The following NEK9 variants were observed in gnomAD, a reference collection of about 807,000 sequenced individuals.
The protein encoded by NEK9 is NIMA related kinase 9.
NEK9 carries 75 observed loss-of-function variants against 123.4 expected under a neutral mutation model. That is an observed-to-expected ratio of 0.61 (90% CI 0.50 to 0.74). The LOEUF is 0.74. Among genes scored for constraint, NEK9 ranks in the 30% least tolerant of loss-of-function variants. The probability of loss-of-function intolerance (pLI) is 0.00; values close to 1 mark genes in which losing one functional copy is unlikely to be tolerated. For synonymous variants in NEK9, 438 were observed against 458.7 expected, an observed-to-expected ratio of 0.95 and a Z score of 0.58; for missense variants, 952 against 1,214.4, an observed-to-expected ratio of 0.78 and a Z score of 3.21.
chr14:75,110,317 T>C lies in NEK9; in HGVS notation c.989+4A>G. 1 of 1,610,266 alleles carries C rather than the reference T, an allele frequency of 6.2e-7. No individual in the cohort carries two copies. Among genetic ancestry groups the C allele is most frequent in the Non-Finnish European group, 8.5e-7 (1 of 1,177,112 alleles). On this transcript the variant is annotated splice_donor_region_variant and intron_variant, in intron 9 of 21. Coordinates refer to ENST00000238616, the MANE Select transcript of NEK9 (RefSeq NM_033116.6). ...TTAGTTTTTAAGAGTCTCTTGAACA[T>C]TACCTTGGTCTCTTTGTAGGTGCAT...
intron 17 of NEK9, 22 bp from the exon 18 acceptor site, chr14:75,095,453 G>T (rs200511962): frequency 1.9e-4 from 297 of 1,572,106 alleles, no homozygotes; most frequent in Admixed American, 5.0e-5. Context: ...TATTTGGTAG[G>T]TAAGCACTGT....
chr14:75,126,759 T>C lies in NEK9; in HGVS notation c.163A>G (p.Ile55Val), dbSNP rs1453115524. ...AAGGCGCCGCGGCCCAGGACGCGGA[T>C]GGGGATGTAGTGCAGTTCCTCCTGC... ...AEQEELHYIPIRVLGRGAFGE... is the reference protein window; with the variant it reads ...AEQEELHYIPVRVLGRGAFGE... Residue 55 changes from isoleucine to valine, a missense_variant, in exon 1 of 22, where the codon ATC (isoleucine) becomes GTC (valine). Physicochemically the swap from Ile to Val is conservative, Grantham distance 29. Transcript: ENST00000238616. 1.1e-5 allele frequency: 16 copies of C among 1,509,320 alleles called. No individual in the cohort carries two copies. The highest frequency in any genetic ancestry group is 1.5e-5 in the African/African-American group (1 of 68,814). The allele number at this position is 1,509,320 out of a possible 1,614,324, so 93.5% of individuals were successfully genotyped here.
intron 4 of NEK9, 68 bp from the exon 5 acceptor site, chr14:75,119,003 C>A: frequency 1.1e-6 from 1 of 893,502 alleles, no homozygotes; most frequent in South Asian, 1.3e-5. Context: ...CCCGCCTTGC[C>A]CAGGATTATT....
chr14:75,087,041 TG>T lies in NEK9; in HGVS notation c.2793del (p.Asn931LysfsTer4). On this transcript the variant is annotated frameshift_variant, in exon 21 of 22. Coordinates refer to ENST00000238616, the MANE Select transcript of NEK9 (RefSeq NM_033116.6). LOFTEE classifies it high-confidence loss of function. ...ACCTGCTGCCCTCCTTCTAATTTCTTGTTCAACTTCTGCAGTTGGGTAAAAA... is the reference window on the plus strand; with the variant it reads ...ACCTGCTGCCCTCCTTCTAATTTCTTTTCAACTTCTGCAGTTGGGTAAAAA... ...LQIFTQLQKL[N>X]KKLEGGQQVG... 1 of 1,614,266 alleles carries T rather than the reference TG, an allele frequency of 6.2e-7. No individual in the cohort carries two copies. The highest frequency in any genetic ancestry group is 8.5e-7 in the Non-Finnish European group (1 of 1,180,042).
At chr14:75,107,227 T>C in intron 11 of NEK9, 116 bp downstream of exon 11, 1 of 1,080,574 alleles carries the variant, frequency 9.3e-7, no homozygotes, top group East Asian at 2.6e-5. Flanking sequence ...TTGCTCAAGG[T>C]CCTCTGGTTC....
chr14:75,116,448 T>G (rs1168785902), intron 6 of NEK9: 2 of 324,566 alleles, frequency 6.2e-6, no homozygotes, highest in East Asian at 9.4e-5. Context: ...AACAATTATC[T>G]TTTGCTCCCT....
intron 2 of NEK9, 144 bp downstream of exon 2, chr14:75,123,902 A>C: frequency 2.1e-5 from 12 of 582,888 alleles, no homozygotes; most frequent in Non-Finnish European, 2.2e-5. Flanking sequence ...AAAATTCTCC[A>C]AGGCCTGAAA....
At position 75,082,857 on chromosome 14, in the gene NEK9, G is replaced by A. The variant is rs572046697; in HGVS notation, c.*1707C>T. 6.8e-4 allele frequency: 272 copies of A among 397,718 alleles called. No individual in the cohort carries two copies. The highest frequency in any genetic ancestry group is 1.0e-3 in the Non-Finnish European group (227 of 225,984). 24.6% of individuals were successfully genotyped at this position (397,718 alleles called of 1,614,324 possible). A position where few individuals can be genotyped will look rare whatever the true frequency, so the allele number is the denominator to read the frequency against. ...TTACAGTTTATGACAACCCCCGCAA[G>A]TCCCCAGAACTTGCAACTTTAATCA... On this transcript the variant is annotated 3_prime_UTR_variant, in exon 22 of 22. Coordinates refer to ENST00000238616, the MANE Select transcript of NEK9 (RefSeq NM_033116.6).
chr14:75,123,296 G>A lies in NEK9; in HGVS notation c.397+750C>T, dbSNP rs192006906. On this transcript the variant is annotated intron_variant, in intron 2 of 21. Coordinates refer to ENST00000238616, the MANE Select transcript of NEK9 (RefSeq NM_033116.6). ...CATGCCTGTAATCCCAGCTACTTGG[G>A]AGGCTGAGGCAGGAGAATTGCTTGA... Among the ~76,000 whole-genome samples, 513 of 152,212 alleles carry A rather than the reference G, an allele frequency of 3.4e-3. 7 individuals are homozygous for A. The Middle Eastern group carries it at 0.048, about 14-fold the overall frequency.
intron 5 of NEK9, 62 bp downstream of exon 5, chr14:75,118,768 G>A: frequency 2.2e-6 from 2 of 929,890 alleles, no homozygotes; most frequent in East Asian, 4.8e-5. Context: ...GATTTAGGGA[G>A]TACAGTTATA....
chr14:75,112,620 T>C (rs1024506416), intron 8 of NEK9, among the ~76,000 whole-genome samples: 8 of 152,112 alleles, frequency 5.3e-5, no homozygotes, highest in Non-Finnish European at 1.0e-4. Flanking sequence ...GCAACAGCTT[T>C]GAGATCAGCC....
rs1193105385 is a variant in NEK9 at position 75,088,560 on chromosome 14, T to C, written c.2524A>G (p.Thr842Ala). 1 of 1,614,094 alleles carries C rather than the reference T, an allele frequency of 6.2e-7. No individual in the cohort carries two copies. The highest frequency in any genetic ancestry group is 1.3e-5 in the African/African-American group (1 of 75,032). The change falls in exon 20 of 22, where the codon ACC becomes GCC. Residue 842 changes from threonine to alanine, a missense_variant. By Grantham distance (58) the Thr-to-Ala change is moderately conservative. Around this residue, in one of 4 missense-constraint regions of NEK9, gnomAD observed 698 missense variants for 875.6 expected, o/e 0.80. Transcript: ENST00000238616. ...SAAFSESEKD[T>A]LPYEELQGLK... ...CCTTGCAGCTCTTCATAGGGCAGGG[T>C]ATCTTTCTCAGATTCTGAAAACGCT...
At position 75,093,492 on chromosome 14, in the gene NEK9, C is replaced by T. The variant is rs892726074; in HGVS notation, c.2233+1880G>A. 4.6e-5 allele frequency among the ~76,000 whole-genome samples: 7 copies of T among 152,054 alleles called. No homozygotes were observed. In the South Asian group the frequency reaches 8.3e-4, roughly 18 times the overall value. ...TTTTTGAGATGGAGTCTCACTCTTT[C>T]GCCAGGCTGGCTGTACAGTGGCGCA... is the stretch of plus-strand genomic sequence containing the variant. On this transcript the variant is annotated intron_variant, in intron 18 of 21. Coordinates refer to ENST00000238616, the MANE Select transcript of NEK9 (RefSeq NM_033116.6).
chr14:75,108,517 G>A (rs1400604906), intron 10 of NEK9, among the ~76,000 whole-genome samples: 6 of 2,174 alleles, frequency 2.8e-3, no homozygotes, highest in East Asian at 0.029. Context: ...GCGTGTGCGT[G>A]TGTGTGTGTG....
At position 75,087,497 on chromosome 14, in the gene NEK9, T is replaced by C. The variant is rs61980805; in HGVS notation, c.2605-267A>G. On this transcript the variant is annotated intron_variant, in intron 20 of 21. Transcript: ENST00000238616. The stretch of plus-strand genomic sequence containing the variant: ...CTATTTTGGAGGACTTTGTGAAAAA[T>C]TTTAAAGCACCTTGGTATCTTCTCA... Among the ~76,000 whole-genome samples the C allele has an allele frequency of 4.7e-3, 715 of 152,184 alleles. 6 individuals are homozygous for C. Among genetic ancestry groups the C allele is most frequent in the South Asian group, 0.033 (159 of 4,818 alleles).
chr14:75,108,379 G>A (rs1208327320), intron 10 of NEK9, among the ~76,000 whole-genome samples: 8 of 151,758 alleles, frequency 5.3e-5, no homozygotes, highest in Non-Finnish European at 1.0e-4. Context: ...ACTCGCCTCG[G>A]CCTCCCAAAG....
chr14:75,107,406 T>C lies in NEK9; in HGVS notation c.1264A>G (p.Lys422Glu). The change falls in exon 11 of 22, where the codon AAG becomes GAG. Residue 422 changes from lysine to glutamate, a missense_variant. Lys to Glu is a moderately conservative substitution (Grantham distance 56). This residue lies in a region of NEK9 where 698 missense variants were observed against 875.6 expected (regional missense o/e 0.80). Transcript: ENST00000238616. ...ASYRQPKHVE[K>E]LQGKAIRQVS... ...TGACGGATAGCTTTGCCTTGCAACT[T>C]TTCCACATGCTTTGGCTGTCGATAG... 6.2e-7 allele frequency: 1 copy of C among 1,614,038 alleles called. No homozygotes were observed. The highest frequency in any genetic ancestry group is 1.1e-5 in the South Asian group (1 of 91,064).
intron 2 of NEK9, among the ~76,000 whole-genome samples, chr14:75,121,681 C>T (rs1208301477): frequency 1.3e-5 from 2 of 152,158 alleles, no homozygotes; most frequent in Non-Finnish European, 1.5e-5. Flanking sequence ...AAACCCTTGT[C>T]TCTACCAAAA....
rs1895294588 is a variant in NEK9 at position 75,120,549 on chromosome 14, G to A, written c.485C>T (p.Ser162Leu). The A allele has an allele frequency of 6.2e-7, 1 of 1,612,628 alleles. No individual in the cohort carries two copies. The highest frequency in any genetic ancestry group is 1.3e-5 in the African/African-American group (1 of 74,848). Reference protein sequence around the residue: ...MVVWYLFQIVSAVSCIHKAGI... With the variant: ...MVVWYLFQIVLAVSCIHKAGI... ...AGCTTTATGGATGCAGCTCACTGCT[G>A]AAACAATCTGAAATAGGTACCACAC... Residue 162 changes from serine to leucine, a missense_variant, in exon 4 of 22, where the codon TCA becomes TTA. Physicochemically the swap from Ser to Leu is moderately radical, Grantham distance 145. Transcript: ENST00000238616.
Sources: gnomAD v4.1 joint callset for allele counts (sites outside exome capture counted in the v4.1 genomes callset) on GRCh38, gnomAD v4.1.1 for gene constraint, gnomAD v4.1.1 regional missense constraint, MANE v1.5 for transcripts, NCBI Gene and HGNC (gene_info 2026-07-23, HGNC 2026-07-21) for gene names.